Variants in SCAMP4 observed in about 807,000 individuals in gnomAD.
SCAMP4 encodes the protein secretory carrier-associated membrane protein 4.
A neutral mutation model predicts 32.1 loss-of-function variants in SCAMP4; 19 were observed. The ratio of observed to expected loss-of-function variants is 0.59; its 90% confidence interval spans 0.41 to 0.87. The LOEUF (loss-of-function observed/expected upper bound fraction) is 0.87. Among genes scored for constraint, SCAMP4 ranks in the 40% least tolerant of loss-of-function variants. The pLI, the probability that SCAMP4 is intolerant of heterozygous loss-of-function variation, is 0.00. For synonymous variants in SCAMP4, 152 were observed against 132.7 expected (o/e 1.15, Z -1.00); for missense variants, 302 against 309.0 (o/e 0.98, Z 0.17).
intron 1 of SCAMP4, chr19:1,911,929 G>A: frequency 7.7e-7 from 1 of 1,299,556 alleles, no homozygotes; most frequent in Non-Finnish European, 1.0e-6. Context: ...CTGATGCGGT[G>A]ACCTGGGCCG....
chr19:1,913,073 G>A (rs1410105304), intron 1 of SCAMP4: 2 of 1,601,776 alleles, frequency 1.2e-6, no homozygotes, highest in Non-Finnish European at 1.7e-6. Flanking sequence ...TCCACGCACG[G>A]CCCGACCTCA....
chr19:1,923,905 G>GT (rs1386603259), intron 6 of SCAMP4, among the ~76,000 whole-genome samples: 2 of 106,998 alleles, frequency 1.9e-5, no homozygotes, highest in African/African-American at 5.2e-5. Context: ...GATGACAGGC[G>GT]TGAGCCACCG....
At chr19:1,911,139 T>C (rs34062947) in intron 1 of SCAMP4, among the ~76,000 whole-genome samples, 9,721 of 152,184 alleles carry the variant, frequency 0.064, 383 homozygotes, top group East Asian at 0.12. Context: ...CCTCCCAAAG[T>C]GCTAGGATTA....
At chr19:1,922,186 G>A (rs142008254) in intron 5 of SCAMP4, 3 of 985,492 alleles carry the variant, frequency 3.0e-6, no homozygotes, top group East Asian at 1.1e-4. Context: ...CCCAGAGGCT[G>A]GTCCTGCACA....
intron 1 of SCAMP4, chr19:1,913,406 C>T (rs1011310746): frequency 2.4e-5 from 14 of 588,740 alleles, no homozygotes; most frequent in Non-Finnish European, 3.9e-5. Context: ...TCTCGCGGGC[C>T]GGGAAACTGC....
intron 5 of SCAMP4, chr19:1,921,882 A>G (rs749931802): frequency 2.3e-5 from 23 of 985,222 alleles, no homozygotes; most frequent in Non-Finnish European, 2.7e-5. Flanking sequence ...GGAGGCTCCA[A>G]GCAGGCGAAC....
At chr19:1,921,225 A>G (rs1368390158) in intron 5 of SCAMP4, 2 of 984,182 alleles carry the variant, frequency 2.0e-6, no homozygotes, top group African/African-American at 1.8e-5. Context: ...CACTCTGTGC[A>G]CTGCTGTGGG....
At chr19:1,909,096 CTCTG>C (rs773485228) in intron 1 of SCAMP4, among the ~76,000 whole-genome samples, 17 of 145,698 alleles carry the variant, frequency 1.2e-4, no homozygotes, top group African/African-American at 2.1e-4. Context: ...CAGAGTGAGA[CTCTG>C]TCTGAAAAAA....
chr19:1,923,170 G>C lies in SCAMP4; in HGVS notation c.496G>C (p.Ala166Pro), dbSNP rs551729781. 1.9e-6 allele frequency: 3 copies of C among 1,549,892 alleles called. No individual in the cohort carries two copies. Among genetic ancestry groups the C allele is most frequent in the Non-Finnish European group, 2.6e-6 (3 of 1,146,078 alleles). The part of the protein sequence containing the change: ...IMFSVSAAMM[A>P]IAIMKVHRIY... ...GTTCTCCGTGTCGGCTGCCATGATG[G>C]CCATCGCGATCATGAAGGTGAGTCC... The change falls in exon 6 of 7, where the codon GCC becomes CCC. Residue 166 changes from alanine (A) to proline (P), a missense_variant. Transcript: ENST00000316097.
rs567957292 is a variant in SCAMP4, at chr19:1,922,522, T to A, written c.396-548T>A. 405 of 985,216 alleles carry A rather than the reference T, an allele frequency of 4.1e-4. 2 individuals are homozygous for A. Among genetic ancestry groups the A allele is most frequent in the South Asian group, 2.4e-3 (52 of 21,292 alleles). 61.0% of individuals were successfully genotyped at this position (985,216 alleles called of 1,614,324 possible). On this transcript the variant is annotated intron_variant, in intron 5 of 6. Coordinates refer to ENST00000316097, the MANE Select transcript of SCAMP4 (RefSeq NM_079834.4). ...AGTGCTGGGACGACAGGCGTAAGCC[T>A]CTGCGCCCGGCCTCCTCATTGTTTC...
Position 1,912,773 on chromosome 19 carries a change from G to A in SCAMP4, c.-41-2206G>A. The A allele has an allele frequency of 6.4e-7, 1 of 1,566,482 alleles. No individual in the cohort carries two copies. The highest frequency in any genetic ancestry group is 8.6e-7 in the Non-Finnish European group (1 of 1,164,300). On this transcript the variant is annotated intron_variant, in intron 1 of 6. Transcript: ENST00000316097. Reference sequence around the variant, plus strand: ...ACAACCCCCTCCTGCACGCCGTCATGGTGTGCGTGGACCTCGTGGCGCGCG... The same window carrying A: ...ACAACCCCCTCCTGCACGCCGTCATAGTGTGCGTGGACCTCGTGGCGCGCG...
rs576670416 is a variant in SCAMP4, at chr19:1,922,976, C to T, written c.396-94C>T. The T allele has an allele frequency of 5.3e-5, 75 of 1,413,510 alleles. No homozygotes were observed. In the East Asian group the frequency reaches 1.6e-3, roughly 30 times the overall value. The allele number at this position is 1,413,510 out of a possible 1,614,324, so 87.6% of individuals were successfully genotyped here. On this transcript the variant is annotated intron_variant, in intron 5 of 6. Transcript: ENST00000316097. Reference sequence around the variant, plus strand: ...GAGCTGTCCACTCCTTGTTGATTGGCCAGAGCTCTTTACATGGGGAGGACC... The same window carrying T: ...GAGCTGTCCACTCCTTGTTGATTGGTCAGAGCTCTTTACATGGGGAGGACC...
At chr19:1,905,494 G>C (rs2013052993) in intron 1 of SCAMP4, 55 bp downstream of exon 1, 2 of 434,818 alleles carry the variant, frequency 4.6e-6, no homozygotes, top group South Asian at 3.3e-5. Flanking sequence ...TCCCCAGAGG[G>C]GGAGTAGGGG....
chr19:1,918,690 A>C, intron 4 of SCAMP4, 199 bp from the exon 5 acceptor site: 2 of 769,116 alleles, frequency 2.6e-6, no homozygotes, highest in South Asian at 2.0e-5. Flanking sequence ...TGAACCCGGG[A>C]GGCAGAGGTT....
At chr19:1,917,626 A>G (rs957504943) in intron 2 of SCAMP4, 68 bp from the exon 3 acceptor site, 7 of 1,593,526 alleles carry the variant, frequency 4.4e-6, no homozygotes, top group African/African-American at 2.7e-5. Flanking sequence ...CTTGGGTCGA[A>G]GGGATGAGGT....
Position 1,908,182 on chromosome 19 carries a change from C to T in SCAMP4, c.-42+2743C>T, listed in dbSNP as rs559133110. On this transcript the variant is annotated intron_variant, in intron 1 of 6. Coordinates refer to ENST00000316097, the MANE Select transcript of SCAMP4 (RefSeq NM_079834.4). This position sits in a 1 kb window ranked among gnomAD's most constrained non-coding sequence, Gnocchi z 4.2. ...GTTTTGGGAGGGCCCAGCGAGTCGG[C>T]TGCTATGGGCCCCACCTGGCACGGG... The T allele has an allele frequency of 1.9e-5, 5 of 268,056 alleles. No homozygotes were observed. Among genetic ancestry groups the T allele is most frequent in the African/African-American group, 1.2e-4 (5 of 42,896 alleles). The allele number at this position is 268,056 out of a possible 1,614,324, so 16.6% of individuals were successfully genotyped here. A position where few individuals can be genotyped will look rare whatever the true frequency, so the allele number is the denominator to read the frequency against.
Position 1,924,301 on chromosome 19 carries a change from C to G in SCAMP4, c.*17C>G. 1 of 1,567,802 alleles carries G rather than the reference C, an allele frequency of 6.4e-7. No homozygotes were observed. The highest frequency in any genetic ancestry group is 8.6e-7 in the Non-Finnish European group (1 of 1,158,084). On this transcript the variant is annotated 3_prime_UTR_variant, in exon 7 of 7. Transcript: ENST00000316097. ...TGGCCTTAGAGGGAGCCTGCCCTGC[C>G]CCCACCGCCCACCACCTCCTCCCCT... is the stretch of plus-strand genomic sequence containing the variant.
intron 4 of SCAMP4, 150 bp from the exon 5 acceptor site, chr19:1,918,739 G>A: frequency 1.6e-6 from 2 of 1,235,076 alleles, no homozygotes; most frequent in South Asian, 1.6e-5. Context: ...TCCAGCCTGG[G>A]CGACAGAGTG....
In SCAMP4 at chr19:1,913,061, C is replaced by T. The variant is rs768915754; in HGVS notation, c.-41-1918C>T. 3 of 1,602,858 alleles carry T rather than the reference C, an allele frequency of 1.9e-6. No individual in the cohort carries two copies. In the South Asian group the frequency reaches 3.3e-5, roughly 18 times the overall value. On this transcript the variant is annotated intron_variant, in intron 1 of 6. Coordinates refer to ENST00000316097, the MANE Select transcript of SCAMP4 (RefSeq NM_079834.4). The stretch of plus-strand genomic sequence containing the variant: ...ACGGCGCCCTGGGCACCCGCTTCCG[C>T]ATCCACGCACGGCCCGACCTCAACC...
Sources: allele counts gnomAD v4.1 joint callset (sites outside exome capture counted in the v4.1 genomes callset), GRCh38; gene constraint gnomAD v4.1.1; non-coding constraint Gnocchi (gnomAD v3.1); transcripts MANE v1.5; gene names NCBI Gene and HGNC (gene_info 2026-07-23, HGNC 2026-07-21).